The following DDAH1 variants were observed in gnomAD, a reference collection of about 807,000 sequenced individuals.
DDAH1 encodes dimethylarginine dimethylaminohydrolase 1.
DDAH1 carries 19 observed loss-of-function variants against 28.8 expected under a neutral mutation model. The ratio of observed to expected loss-of-function variants is 0.66; its 90% CI spans 0.46 to 0.97. The LOEUF is 0.97. Among genes scored for constraint, DDAH1 ranks in the 50% least tolerant of loss-of-function variants. The probability of loss-of-function intolerance (pLI) is 0.00; values close to 1 mark genes in which losing one functional copy is unlikely to be tolerated. For synonymous variants in DDAH1, 153 were observed against 154.4 expected (o/e 0.99, Z 0.07); for missense variants, 326 against 375.9 (o/e 0.87, Z 1.10).
At chr1:85,561,866 A>G (rs566406640) in intron 1 of DDAH1, among the ~76,000 whole-genome samples, 2 of 152,320 alleles carry the variant, frequency 1.3e-5, no homozygotes, top group African/African-American at 4.8e-5. Flanking sequence ...TGCTTCTGCC[A>G]TTGATGATAC....
At chr1:85,495,160 AT>A (rs35573396) in intron 2 of DDAH1, 78,551 of 146,198 alleles carry the variant, frequency 0.54, 23,388 homozygotes, top group South Asian at 0.79. Context: ...TTTCTGTCCA[AT>A]TTTTTTTTTT....
chr1:85,519,088 CTTTTTTT>C lies in DDAH1; in HGVS notation c.-122-22814_-122-22808del, dbSNP rs71075842. On this transcript the variant is annotated intron_variant, in intron 1 of 6. Transcript: ENST00000426972. ...CAAGAAGAAACGAGGAAAGACGGAT[CTTTTTTT>C]TTTTTTTTTTTTTTTTGAGACGGAG... Among the ~76,000 whole-genome samples the C allele has an allele frequency of 7.2e-5, 5 of 69,128 alleles. 1 individual carries two copies. Among genetic ancestry groups the C allele is most frequent in the African/African-American group, 2.1e-4 (4 of 18,962 alleles). 45.4% of individuals were successfully genotyped at this position (69,128 alleles called of 152,430 possible). A position where few individuals can be genotyped will look rare whatever the true frequency, so the allele number is the denominator to read the frequency against.
At position 85,489,266 on chromosome 1, in the gene DDAH1, G is replaced by A. The variant is rs566188176; in HGVS notation, c.-7+6900C>T. ...AACCCTACTGAAAGCAAAAATAATA[G>A]GGTGTGTGCTATTCCAGCAGCCTGA... On this transcript the variant is annotated intron_variant, in intron 2 of 6. Coordinates refer to the DDAH1 transcript ENST00000426972. Among the ~76,000 whole-genome samples, 121 of 152,290 alleles carry A rather than the reference G, an allele frequency of 7.9e-4. 4 individuals carry two copies. The South Asian group carries it at 0.023, about 28-fold the overall frequency.
rs745408670 is a variant in DDAH1 at position 85,351,483 on chromosome 1, G to A, written c.477+23C>T. On this transcript the variant is annotated intron_variant, in intron 3 of 5. Transcript: ENST00000284031. Reference sequence around the variant, plus strand: ...TTTATTAAGTAATTGCTTTGTGCCAGGCATAAACTACCTTTTACCTACCTT... The same window carrying A: ...TTTATTAAGTAATTGCTTTGTGCCAAGCATAAACTACCTTTTACCTACCTT... The A allele has an allele frequency of 1.9e-6, 3 of 1,592,364 alleles. No individual in the cohort carries two copies. The South Asian group carries it at 3.3e-5, about 18-fold the overall frequency.
chr1:85,390,394 G>A (rs79043925), intron 1 of DDAH1, among the ~76,000 whole-genome samples: 5,875 of 152,204 alleles, frequency 0.039, 391 homozygotes, highest in African/African-American at 0.13. Context: ...ATTCTACAGC[G>A]TATGTGGGGA....
chr1:85,578,071 G>A, exon 1 of DDAH1: 1 of 954,768 alleles, frequency 1.0e-6, no homozygotes, highest in Non-Finnish European at 1.2e-6. Context: ...GCGACGGGAG[G>A]CTGGGGTTTC....
chr1:85,424,755 T>C (rs1031202447), intron 1 of DDAH1, among the ~76,000 whole-genome samples: 5 of 151,908 alleles, frequency 3.3e-5, no homozygotes, highest in Non-Finnish European at 7.4e-5. Flanking sequence ...TTAAATTTAA[T>C]TTTTTTTAAT....
chr1:85,400,183 T>TC (rs1652007491), intron 1 of DDAH1, among the ~76,000 whole-genome samples: 1 of 27,864 alleles, frequency 3.6e-5, no homozygotes, highest in African/African-American at 1.2e-4. Flanking sequence ...TTTTCTTTTT[T>TC]TTTTTTTTTT....
chr1:85,577,050 G>T (rs1025967571), intron 1 of DDAH1, among the ~76,000 whole-genome samples: 2 of 152,096 alleles, frequency 1.3e-5, no homozygotes, highest in African/African-American at 4.8e-5. Context: ...GGCTGGAAAC[G>T]TCCTGCGCCG....
At chr1:85,526,219 G>T (rs1657866417) in intron 1 of DDAH1, among the ~76,000 whole-genome samples, 1 of 152,186 alleles carries the variant, frequency 6.6e-6, no homozygotes, top group Non-Finnish European at 1.5e-5. Context: ...CCCAGCTCAT[G>T]GAAAGAGAGA....
chr1:85,487,749 T>G (rs1461479783), intron 2 of DDAH1, among the ~76,000 whole-genome samples: 4 of 152,176 alleles, frequency 2.6e-5, no homozygotes, highest in Non-Finnish European at 1.5e-5. Flanking sequence ...ATTATCAGTT[T>G]CTCATTTACA....
chr1:85,506,355 C>T (rs1395725803), intron 1 of DDAH1, among the ~76,000 whole-genome samples: 4 of 152,140 alleles, frequency 2.6e-5, no homozygotes, highest in African/African-American at 9.7e-5. Context: ...TCTGCAGTCA[C>T]AATTTTTTCA....
intron 1 of DDAH1, among the ~76,000 whole-genome samples, chr1:85,573,381 C>A (rs972177975): frequency 2.6e-5 from 4 of 152,218 alleles, no homozygotes; most frequent in Non-Finnish European, 4.4e-5. Flanking sequence ...CTGATTCTCT[C>A]AATCTGGAGC....
intron 2 of DDAH1, chr1:85,494,839 A>C (rs1656527240): frequency 6.6e-6 from 1 of 152,302 alleles, no homozygotes; most frequent in Non-Finnish European, 1.5e-5. Flanking sequence ...AGGCAGAATC[A>C]TATCTTTGTG....
chr1:85,363,314 A>G (rs1649888929), intron 1 of DDAH1, among the ~76,000 whole-genome samples: 2 of 152,164 alleles, frequency 1.3e-5, no homozygotes, highest in African/African-American at 2.4e-5. Flanking sequence ...GTGGCCCTCA[A>G]AGTTGGCCTG....
chr1:85,462,502 A>G (rs1655172143), intron 1 of DDAH1, among the ~76,000 whole-genome samples: 2 of 152,166 alleles, frequency 1.3e-5, no homozygotes, highest in East Asian at 3.8e-4. Flanking sequence ...GCTACTGTGG[A>G]TTTTCACAGT....
At chr1:85,418,656 C>T (rs114921714) in intron 1 of DDAH1, among the ~76,000 whole-genome samples, 4,125 of 152,316 alleles carry the variant, frequency 0.027, 192 homozygotes, top group African/African-American at 0.093. Context: ...TTCTCTCTAG[C>T]AAGCTGGAAA....
intron 1 of DDAH1, among the ~76,000 whole-genome samples, chr1:85,542,423 A>G (rs1658496490): frequency 6.6e-6 from 1 of 152,206 alleles, no homozygotes; most frequent in Non-Finnish European, 1.5e-5. Flanking sequence ...TAGCCCCTCA[A>G]ACCTCTTCTC....
At chr1:85,565,474 G>T (rs1312914381) in intron 1 of DDAH1, among the ~76,000 whole-genome samples, 1 of 152,112 alleles carries the variant, frequency 6.6e-6, no homozygotes. Context: ...CTAGTGATAA[G>T]ATGCCACTCT....
Sources: gnomAD v4.1 joint callset for allele counts (sites outside exome capture counted in the v4.1 genomes callset) on GRCh38, gnomAD v4.1.1 for gene constraint, MANE v1.5 for transcripts, NCBI Gene and HGNC (gene_info 2026-07-23, HGNC 2026-07-21) for gene names.